ABCB6: variants seen among roughly 807,000 people sequenced by gnomAD.
The protein encoded by ABCB6 is ATP-binding cassette sub-family B member 6.
In ABCB6, 87 loss-of-function variants were observed where a neutral mutation model predicts 99.4. That is an observed-to-expected ratio of 0.88 (90% CI 0.74 to 1.05). ABCB6 has a LOEUF of 1.05. Among genes scored for constraint, ABCB6 ranks in the 50% least tolerant of loss-of-function variants. The pLI is 0.00. For synonymous variants in ABCB6, 482 were observed against 447.5 expected (o/e 1.08, Z -0.97); for missense variants, 1,050 against 1,097.9 (o/e 0.96, Z 0.62).
At chr2:219,210,551 G>GCCTC in intron 16 of ABCB6, 76 bp from the exon 17 acceptor site, 1 of 1,592,256 alleles carries the variant, frequency 6.3e-7, no homozygotes, top group Non-Finnish European at 8.6e-7. Context: ...GCTGGCTGAG[G>GCCTC]CCTCAAGAAT....
At position 219,209,816 on chromosome 2, in the gene ABCB6, G is replaced by A. The variant is rs778732570; in HGVS notation, c.*122C>T. Reference sequence around the variant, plus strand: ...TCCCCAAAAGATGTTTTTCGGAAAGGTCCCTTTCCCTTACCATAGCTAGCA... The same window carrying A: ...TCCCCAAAAGATGTTTTTCGGAAAGATCCCTTTCCCTTACCATAGCTAGCA... On this transcript the variant is annotated 3_prime_UTR_variant, in exon 19 of 19. Transcript: ENST00000265316. The A allele has an allele frequency of 2.5e-6, 2 of 793,292 alleles. No individual in the cohort carries two copies. Among genetic ancestry groups the A allele is most frequent in the Non-Finnish European group, 4.4e-6 (2 of 459,270 alleles). The allele number at this position is 793,292 out of a possible 1,614,324, so 49.1% of individuals were successfully genotyped here. A position where few individuals can be genotyped will look rare whatever the true frequency, so the allele number is the denominator to read the frequency against.
chr2:219,214,295 A>C, intron 7 of ABCB6, 94 bp downstream of exon 7: 1 of 1,470,494 alleles, frequency 6.8e-7, no homozygotes, highest in Non-Finnish European at 9.5e-7. Flanking sequence ...ACACACAAAC[A>C]TCACACCCCC....
intron 14 of ABCB6, among the ~76,000 whole-genome samples, chr2:219,211,908 C>T (rs984956673): frequency 9.2e-5 from 14 of 151,984 alleles, no homozygotes; most frequent in South Asian, 2.1e-4. Context: ...GGACTACAGG[C>T]GCCCGCCACC....
Position 219,218,662 on chromosome 2 carries a change from C to T in ABCB6, c.12G>A (p.Val4=), listed in dbSNP as rs1441226427. MVT[V]GNYCEAEGPV... is the part of the protein sequence containing the mutation. Reference sequence around the variant, plus strand: ...GCCCTTCGGCCTCGCAGTAGTTGCCCACAGTCACCATGGCAATGCGTGGAC... The same window carrying T: ...GCCCTTCGGCCTCGCAGTAGTTGCCTACAGTCACCATGGCAATGCGTGGAC... Residue 4 remains valine, a synonymous_variant, in exon 1 of 19, where the codon GTG becomes GTA. Transcript: ENST00000265316. The T allele has an allele frequency of 6.3e-7, 1 of 1,578,068 alleles. No individual in the cohort carries two copies. The highest frequency in any genetic ancestry group is 1.3e-5 in the African/African-American group (1 of 74,104).
Position 219,213,861 on chromosome 2 carries a change from G to C in ABCB6, c.1543C>G (p.Leu515Val), listed in dbSNP as rs1431623672. The change falls in exon 9 of 19, where the codon CTT (leucine) becomes GTT (valine). Residue 515 changes from leucine to valine, a missense_variant. Leu to Val is a conservative substitution (Grantham distance 32, BLOSUM62 1). Transcript: ENST00000265316. The part of the protein sequence containing the change: ...IGLGLLAGSL[L>V]CAYFVTEQKL... ...TGCTCAGTGACAAAGTATGCGCAAA[G>C]CAGGGAGCCGGCGAGGAGCCCGAGC... 1 of 1,614,126 alleles carries C rather than the reference G, an allele frequency of 6.2e-7. No individual in the cohort carries two copies. Among genetic ancestry groups the C allele is most frequent in the Admixed American group, 1.7e-5 (1 of 60,018 alleles).
chr2:219,218,324 G>C lies in ABCB6; in HGVS notation c.350C>G (p.Ala117Gly). The C allele has an allele frequency of 6.2e-7, 1 of 1,613,272 alleles. No homozygotes were observed. Among genetic ancestry groups the C allele is most frequent in the Non-Finnish European group, 8.5e-7 (1 of 1,180,042 alleles). ...LLLASVLESL[A>G]GACGLWLLVV... is the part of the protein sequence containing the mutation. ...AAGCAGCCACAGGCCACAGGCGCCG[G>C]CCAGACTCTCCAGCACGGAGGCCAG... is the stretch of plus-strand genomic sequence containing the variant. Residue 117 changes from alanine to glycine, a missense_variant, in exon 1 of 19, where the codon GCC becomes GGC. Ala to Gly is a moderately conservative substitution (Grantham distance 60). Transcript: ENST00000265316.
chr2:219,215,226 G>T, intron 5 of ABCB6, 144 bp from the exon 6 acceptor site: 1 of 1,029,068 alleles, frequency 9.7e-7, no homozygotes, highest in Non-Finnish European at 1.4e-6. Flanking sequence ...GAGGTGGGTG[G>T]CTAAATCAAC....
chr2:219,217,804 G>T lies in ABCB6; in HGVS notation c.553C>A (p.Gln185Lys). Reference protein sequence around the residue: ...WARADLGQQVQFSLWVLRYVV... With the variant: ...WARADLGQQVKFSLWVLRYVV... ...TACCGCAGCACCCACAGGCTAAACTGAACCTAGAATGAAATATAAGTGGAG... is the reference window on the plus strand; with the variant it reads ...TACCGCAGCACCCACAGGCTAAACTTAACCTAGAATGAAATATAAGTGGAG... Residue 185 changes from glutamine to lysine, a missense_variant, in exon 2 of 19, where the codon CAG becomes AAG. By Grantham distance (53) the Gln-to-Lys change is moderately conservative (BLOSUM62 1). Coordinates refer to ENST00000265316, the MANE Select transcript of ABCB6 (RefSeq NM_005689.4). The T allele has an allele frequency of 6.2e-7, 1 of 1,609,766 alleles. No individual in the cohort carries two copies. The highest frequency in any genetic ancestry group is 1.1e-5 in the South Asian group (1 of 90,686).
At chr2:219,211,790 G>A (rs1950582262) in intron 14 of ABCB6, among the ~76,000 whole-genome samples, 1 of 138,108 alleles carries the variant, frequency 7.2e-6, no homozygotes, top group South Asian at 2.3e-4. Context: ...TTGAGACAGA[G>A]TCTTGCACTC....
In ABCB6 at chr2:219,213,570, A is replaced by G. The variant is rs759734204; in HGVS notation, c.1655+20T>C. On this transcript the variant is annotated intron_variant, in intron 10 of 18. Coordinates refer to ENST00000265316, the MANE Select transcript of ABCB6 (RefSeq NM_005689.4). ...AATAATAATGTGCCCTGGACAGGTG[A>G]GGGCCAGGGCTCAGATTACCTGTAG... 3 of 1,613,872 alleles carry G rather than the reference A, an allele frequency of 1.9e-6. No homozygotes were observed. The highest frequency in any genetic ancestry group is 2.7e-5 in the African/African-American group (2 of 74,940).
intron 7 of ABCB6, 44 bp from the exon 8 acceptor site, chr2:219,214,230 T>A (rs749219904): frequency 6.3e-7 from 1 of 1,595,550 alleles, no homozygotes; most frequent in Non-Finnish European, 8.6e-7. Context: ...GCACAGCACA[T>A]GGCACTCGGG....
At position 219,210,267 on chromosome 2, in the gene ABCB6, G is replaced by A; in HGVS notation, c.2383C>T (p.Leu795Phe). 6.2e-7 allele frequency: 1 copy of A among 1,614,186 alleles called. No homozygotes were observed. Among genetic ancestry groups the A allele is most frequent in the Non-Finnish European group, 8.5e-7 (1 of 1,180,046 alleles). Residue 795 changes from leucine to phenylalanine, a missense_variant, in exon 18 of 19, where the codon CTC becomes TTC. Coordinates refer to ENST00000265316, the MANE Select transcript of ABCB6 (RefSeq NM_005689.4). The stretch of plus-strand genomic sequence containing the variant: ...ACGATGCAGCCATCCTTGATGACGA[G>A]GATCTGGTCAGCATTGACCACAGTT... ...LSTVVNADQILVIKDGCIVER... is the reference protein window; with the variant it reads ...LSTVVNADQIFVIKDGCIVER...
intron 12 of ABCB6, 41 bp downstream of exon 12, chr2:219,213,200 A>G: frequency 6.2e-7 from 1 of 1,611,210 alleles, no homozygotes; most frequent in Non-Finnish European, 8.5e-7. Context: ...GGCAGTGTGC[A>G]AATGAACGGA....
chr2:219,214,493 T>A lies in ABCB6; in HGVS notation c.1282A>T (p.Thr428Ser). 6.2e-7 allele frequency: 1 copy of A among 1,612,618 alleles called. No individual in the cohort carries two copies. The highest frequency in any genetic ancestry group is 1.1e-5 in the South Asian group (1 of 91,036). ...FLCMSLYLTL[T>S]IVVTEWRTKF... ...GTTCTCCACTCAGTGACCACAATGG[T>A]CAGGGCTGGAGAGTGACAGGATGGG... The change falls in exon 7 of 19, where the codon ACC becomes TCC. Residue 428 changes from threonine (T) to serine (S), a missense_variant. Thr to Ser is a moderately conservative substitution (Grantham distance 58). Transcript: ENST00000265316.
At position 219,216,490 on chromosome 2, in the gene ABCB6, C is replaced by A. The variant is rs1479736850; in HGVS notation, c.869-25G>T. 1 of 1,609,118 alleles carries A rather than the reference C, an allele frequency of 6.2e-7. No individual in the cohort carries two copies. The highest frequency in any genetic ancestry group is 1.1e-5 in the South Asian group (1 of 90,894). Reference sequence around the variant, plus strand: ...ACTGTGGAGGAAACGAGTCAGAACCCACTTATGGCGCCCAGGACTCTCTTC... The same window carrying A: ...ACTGTGGAGGAAACGAGTCAGAACCAACTTATGGCGCCCAGGACTCTCTTC... On this transcript the variant is annotated intron_variant, in intron 3 of 18. Coordinates refer to ENST00000265316, the MANE Select transcript of ABCB6 (RefSeq NM_005689.4). This position sits in a 1 kb window ranked among gnomAD's most constrained non-coding sequence, Gnocchi z 4.2.
At chr2:219,210,082 A>C (rs1306387250) in intron 18 of ABCB6, 36 bp from the exon 19 acceptor site, 1 of 1,607,270 alleles carries the variant, frequency 6.2e-7, no homozygotes, top group Non-Finnish European at 8.5e-7. Flanking sequence ...CCTAACCATT[A>C]GTTTTACCCC....
chr2:219,217,865 T>C, intron 1 of ABCB6, 58 bp from the exon 2 acceptor site: 7 of 1,584,868 alleles, frequency 4.4e-6, no homozygotes, highest in Non-Finnish European at 6.0e-6. Flanking sequence ...ATTGTATTAC[T>C]ACTTATAATA....
At chr2:219,217,258 C>T (rs1399888927) in intron 2 of ABCB6, among the ~76,000 whole-genome samples, 2 of 151,612 alleles carry the variant, frequency 1.3e-5, no homozygotes, top group Non-Finnish European at 2.9e-5. Context: ...GGCTGAGGCA[C>T]GAGAATTGTT....
At chr2:219,211,200 G>A in intron 14 of ABCB6, 92 bp from the exon 15 acceptor site, 1 of 1,407,462 alleles carries the variant, frequency 7.1e-7, no homozygotes, top group Non-Finnish European at 9.9e-7. Context: ...GGGATAAGAG[G>A]CTGTGGTAAT....
Sources: allele counts gnomAD v4.1 joint callset (sites outside exome capture counted in the v4.1 genomes callset), GRCh38; gene constraint gnomAD v4.1.1; non-coding constraint Gnocchi (gnomAD v3.1); transcripts MANE v1.5; gene names NCBI Gene and HGNC (gene_info 2026-07-23, HGNC 2026-07-21).